Variants in OR6N1 observed in about 807,000 individuals in gnomAD.
The protein encoded by OR6N1 is olfactory receptor 6N1.
For missense variants in OR6N1, 394 were observed against 371.7 expected (o/e 1.06, Z -0.49); for synonymous variants, 170 against 150.7 (o/e 1.13, Z -0.94).
At chr1:158,804,787 A>T in the OR6N1 span, among the ~76,000 whole-genome samples, 12 of 152,186 alleles carry the variant, frequency 7.9e-5, no homozygotes, top group Non-Finnish European at 1.3e-4. Flanking sequence ...AGGGAAATTC[A>T]CAATAATTCA....
At position 158,769,058 on chromosome 1, in the gene OR6N1, T is replaced by A. The variant is rs146908315; in HGVS notation, c.-18-2358A>T. On this transcript the variant is annotated intron_variant, in intron 1 of 1. Transcript: ENST00000641846. ...TCAATAAATATTTATGTAATTAATA[T>A]GCAAATCTATTAAGATAACTGCTAA... Among the ~76,000 whole-genome samples, 77 of 152,328 alleles carry A rather than the reference T, an allele frequency of 5.1e-4. No individual in the cohort carries two copies. In the East Asian group the frequency reaches 0.014, roughly 28 times the overall value.
At chr1:158,788,785 C>A in the OR6N1 span, among the ~76,000 whole-genome samples, 21 of 152,102 alleles carry the variant, frequency 1.4e-4, no homozygotes, top group African/African-American at 5.1e-4. Flanking sequence ...AGTTTTGTAC[C>A]CATTAATCAA....
At chr1:158,813,746 A>T in the OR6N1 span, among the ~76,000 whole-genome samples, 6 of 120,720 alleles carry the variant, frequency 5.0e-5, no homozygotes, top group Admixed American at 5.6e-4. Flanking sequence ...TCTGTCTCCC[A>T]GGCTGGAATG....
rs781714493 is a variant in OR6N1 at position 158,765,857 on chromosome 1, C to T, written c.826G>A (p.Val276Met). ...YSLDYDQALA[V>M]VYSVLTPFLN... Reference sequence around the variant, plus strand: ...AAGGGTGTGAGCACTGAGTAGACCACTGCCAGGGCCTGGTCATAGTCCAGT... The same window carrying T: ...AAGGGTGTGAGCACTGAGTAGACCATTGCCAGGGCCTGGTCATAGTCCAGT... Residue 276 changes from valine (V) to methionine (M), a missense_variant, in exon 2 of 2, where the codon GTG (valine) becomes ATG (methionine). Transcript: ENST00000641846. 3.1e-6 allele frequency: 5 copies of T among 1,614,058 alleles called. No individual in the cohort carries two copies. Among genetic ancestry groups the T allele is most frequent in the Non-Finnish European group, 4.2e-6 (5 of 1,179,898 alleles).
At chr1:158,811,270 G>T in the OR6N1 span, among the ~76,000 whole-genome samples, 8 of 151,992 alleles carry the variant, frequency 5.3e-5, no homozygotes, top group African/African-American at 1.9e-4. Context: ...CTTCTGCTTT[G>T]ACTATCTCCG....
At position 158,766,100 on chromosome 1, in the gene OR6N1, T is replaced by G. The variant is rs779469072; in HGVS notation, c.583A>C (p.Asn195His). Residue 195 changes from asparagine to histidine, a missense_variant, in exon 2 of 2, where the codon AAT (asparagine) becomes CAT (histidine). Physicochemically the swap from Asn to His is moderately conservative, Grantham distance 68. Transcript: ENST00000641846. ...LSLACTDTSI[N>H]VLVDFVINSC... ...TTTATAACAAAATCTACTAGGACATTTATAGACGTATCAGTGCAAGCCAAA... is the reference window on the plus strand; with the variant it reads ...TTTATAACAAAATCTACTAGGACATGTATAGACGTATCAGTGCAAGCCAAA... 1.4e-4 allele frequency: 225 copies of G among 1,613,974 alleles called. No homozygotes were observed. Among genetic ancestry groups the G allele is most frequent in the Non-Finnish European group, 1.8e-4 (213 of 1,180,024 alleles).
the OR6N1 span, among the ~76,000 whole-genome samples, chr1:158,817,654 A>G: frequency 3.3e-5 from 5 of 152,196 alleles, no homozygotes; most frequent in African/African-American, 1.2e-4. Context: ...GAAGGAAGAG[A>G]GAACACCCAT....
At chr1:158,773,480 T>A (rs79407683), upstream of OR6N1, among the ~76,000 whole-genome samples, 1 of 152,132 alleles carries the variant, frequency 6.6e-6, no homozygotes, top group African/African-American at 2.4e-5. Context: ...AATATATCCA[T>A]CAATTCTGCT....
At chr1:158,837,822 GA>G in the OR6N1 span, among the ~76,000 whole-genome samples, 27 of 147,178 alleles carry the variant, frequency 1.8e-4, no homozygotes, top group East Asian at 4.8e-3. Context: ...TCTTTTTGTT[GA>G]TTTTTTTCTG....
At chr1:158,818,702 A>G in the OR6N1 span, among the ~76,000 whole-genome samples, 1 of 152,190 alleles carries the variant, frequency 6.6e-6, no homozygotes, top group African/African-American at 2.4e-5. Flanking sequence ...TGTGTACAAA[A>G]CAGGTCTTAA....
the OR6N1 span, among the ~76,000 whole-genome samples, chr1:158,786,029 G>A: frequency 6.6e-6 from 1 of 151,924 alleles, no homozygotes; most frequent in Non-Finnish European, 1.5e-5. Flanking sequence ...AAACTAAAAG[G>A]TTCTGCACAG....
chr1:158,798,597 T>G, the OR6N1 span, among the ~76,000 whole-genome samples: 1 of 151,986 alleles, frequency 6.6e-6, no homozygotes, highest in South Asian at 2.1e-4. Context: ...ATATTAATAT[T>G]ATTAATTCTA....
At chr1:158,837,682 G>T in the OR6N1 span, among the ~76,000 whole-genome samples, 1 of 151,548 alleles carries the variant, frequency 6.6e-6, no homozygotes, top group Admixed American at 6.6e-5. Context: ...ATTTTAATAT[G>T]CTTTTTGATT....
the OR6N1 span, among the ~76,000 whole-genome samples, chr1:158,806,962 C>G: frequency 3.0e-5 from 4 of 133,390 alleles, no homozygotes; most frequent in African/African-American, 1.2e-4. Context: ...GAGATCGCGC[C>G]ATTGCACTCC....
At chr1:158,791,712 C>T in the OR6N1 span, among the ~76,000 whole-genome samples, 3 of 152,124 alleles carry the variant, frequency 2.0e-5, no homozygotes, top group Non-Finnish European at 4.4e-5. Context: ...TCGTGATTTG[C>T]CTGCCTCGGC....
the OR6N1 span, among the ~76,000 whole-genome samples, chr1:158,820,227 C>T: frequency 2.6e-5 from 4 of 152,168 alleles, no homozygotes; most frequent in East Asian, 1.9e-4. Context: ...GCCCTCATTC[C>T]GGTAAACCAA....
At chr1:158,802,122 C>T in the OR6N1 span, among the ~76,000 whole-genome samples, 1 of 151,896 alleles carries the variant, frequency 6.6e-6, no homozygotes, top group African/African-American at 2.4e-5. Context: ...TTCTGCAACC[C>T]TCACTGGCTC....
chr1:158,789,380 C>T, the OR6N1 span, among the ~76,000 whole-genome samples: 2 of 152,134 alleles, frequency 1.3e-5, no homozygotes, highest in East Asian at 1.9e-4. Flanking sequence ...CTGGATTATA[C>T]AGTAGTTCTG....
At chr1:158,812,383 T>A in the OR6N1 span, among the ~76,000 whole-genome samples, 1,158 of 152,338 alleles carry the variant, frequency 7.6e-3, 17 homozygotes, top group African/African-American at 0.026. Context: ...GTGTTCCAAA[T>A]ATAGGCCTTG....
Sources: allele counts gnomAD v4.1 joint callset (sites outside exome capture counted in the v4.1 genomes callset), GRCh38; gene constraint gnomAD v4.1.1; transcripts MANE v1.5; gene names NCBI Gene and HGNC (gene_info 2026-07-23, HGNC 2026-07-21).